The following NEO1 variants were observed in gnomAD, a reference collection of about 807,000 sequenced individuals.
The protein encoded by NEO1 is neogenin 1, also known as neogenin.
In NEO1, 63 loss-of-function variants were observed where a neutral mutation model predicts 159.7. The observed-to-expected ratio is 0.39, with a 90% CI of 0.32 to 0.49. NEO1 has a LOEUF of 0.49. NEO1 is among the 20% of genes least tolerant of loss of function. The pLI, the probability that NEO1 is intolerant of heterozygous loss-of-function variation, is 0.85. For missense variants in NEO1, 1,615 were observed against 1,831.0 expected, an observed-to-expected ratio of 0.88 and a Z score of 2.15; for synonymous variants, 633 against 662.0, an observed-to-expected ratio of 0.96 and a Z score of 0.67.
chr15:73,158,233 T>A (rs1415997716), intron 5 of NEO1, among the ~76,000 whole-genome samples: 4 of 131,780 alleles, frequency 3.0e-5, no homozygotes, highest in East Asian at 2.2e-4. Context: ...TTTTTTTTTT[T>A]ACAATTTTTT....
Position 73,221,462 on chromosome 15 carries a change from TCAGA to T in NEO1, c.1292-14881_1292-14878del, listed in dbSNP as rs532328761. On this transcript the variant is annotated intron_variant, in intron 7 of 28. Coordinates refer to ENST00000261908, the MANE Select transcript of NEO1 (RefSeq NM_002499.4). ...AGAACCACTGCTCTCTGCAAAGCTG[TCAGA>T]CAGGGACATTTAAGTCTGCAGAGGT... Among the ~76,000 whole-genome samples the T allele has an allele frequency of 2.7e-3, 407 of 152,322 alleles. 2 individuals carry two copies. The highest frequency in any genetic ancestry group is 9.4e-3 in the African/African-American group (391 of 41,572).
At chr15:73,066,054 C>T (rs1376458191) in intron 1 of NEO1, among the ~76,000 whole-genome samples, 27 of 137,210 alleles carry the variant, frequency 2.0e-4, no homozygotes, top group East Asian at 1.9e-3. Context: ...TTTTTTGAGA[C>T]GGAGTCTTGC....
chr15:73,120,096 A>G (rs2071549329), intron 2 of NEO1, among the ~76,000 whole-genome samples: 1 of 152,142 alleles, frequency 6.6e-6, no homozygotes, highest in Non-Finnish European at 1.5e-5. Context: ...AGATTGTGCC[A>G]CTGCACTCCA....
At chr15:73,280,650 G>A (rs1250930971) in intron 22 of NEO1, among the ~76,000 whole-genome samples, 1 of 152,140 alleles carries the variant, frequency 6.6e-6, no homozygotes, top group Admixed American at 6.5e-5. Flanking sequence ...CAGTACCATG[G>A]TCTTTCCCAA....
At chr15:73,261,295 T>C (rs1259415201) in intron 15 of NEO1, among the ~76,000 whole-genome samples, 3 of 152,094 alleles carry the variant, frequency 2.0e-5, no homozygotes, top group African/African-American at 7.2e-5. Context: ...TCATTGTAAC[T>C]AGGGTAGAAA....
At chr15:73,272,986 A>G (rs1041093952) in intron 19 of NEO1, among the ~76,000 whole-genome samples, 4 of 150,868 alleles carry the variant, frequency 2.7e-5, no homozygotes, top group Admixed American at 6.6e-5. Context: ...AAAAAAAAAA[A>G]AGCCCATTAG....
At chr15:73,271,110 A>G (rs1596544016) in intron 18 of NEO1, among the ~76,000 whole-genome samples, 1 of 152,304 alleles carries the variant, frequency 6.6e-6, no homozygotes, top group Non-Finnish European at 1.5e-5. Flanking sequence ...ATTCTCCACA[A>G]ACTGGGCTTG....
At chr15:73,246,106 A>G (rs2039780785) in intron 9 of NEO1, among the ~76,000 whole-genome samples, 1 of 152,240 alleles carries the variant, frequency 6.6e-6, no homozygotes, top group Admixed American at 6.5e-5. Context: ...AAGAAGCTGT[A>G]GAACTTCACT....
intron 28 of NEO1, among the ~76,000 whole-genome samples, chr15:73,302,154 A>G (rs1025558952): frequency 6.6e-6 from 1 of 152,174 alleles, no homozygotes; most frequent in African/African-American, 2.4e-5. Context: ...GCTGGAGGAG[A>G]AAGTGCCTGA....
At position 73,176,388 on chromosome 15, in the gene NEO1, C is replaced by T; in HGVS notation, c.1016-15C>T. On this transcript the variant is annotated splice_polypyrimidine_tract_variant and intron_variant, in intron 5 of 28. Transcript: ENST00000261908. The stretch of plus-strand genomic sequence containing the variant: ...CTATTTTCATTAATGTCTTAATTTC[C>T]TTTTTATTTTAAAGCTCAACCTGAA... 1.3e-6 allele frequency: 2 copies of T among 1,490,548 alleles called. No homozygotes were observed. Among genetic ancestry groups the T allele is most frequent in the Non-Finnish European group, 1.8e-6 (2 of 1,109,900 alleles). 92.3% of individuals were successfully genotyped at this position (1,490,548 alleles called of 1,614,324 possible).
intron 2 of NEO1, among the ~76,000 whole-genome samples, chr15:73,119,594 C>T (rs2071514764): frequency 6.6e-6 from 1 of 152,192 alleles, no homozygotes; most frequent in Non-Finnish European, 1.5e-5. Flanking sequence ...CGGGTCTTAA[C>T]TCCCACTCTC....
intron 1 of NEO1, among the ~76,000 whole-genome samples, chr15:73,070,581 C>A (rs959777043): frequency 1.3e-5 from 2 of 152,030 alleles, no homozygotes; most frequent in Admixed American, 6.6e-5. Context: ...TACAGTAGTC[C>A]CCCCTTATCC....
At chr15:73,071,403 A>AG (rs1469898520) in intron 1 of NEO1, among the ~76,000 whole-genome samples, 1 of 152,262 alleles carries the variant, frequency 6.6e-6, no homozygotes, top group Non-Finnish European at 1.5e-5. Context: ...GATTGAAAAG[A>AG]ACAGGATATT....
chr15:73,259,878 T>C (rs767023992), intron 14 of NEO1, among the ~76,000 whole-genome samples: 10 of 152,132 alleles, frequency 6.6e-5, no homozygotes, highest in Admixed American at 1.3e-4. Context: ...ACAACAGGCT[T>C]CCCACTACTC....
At chr15:73,288,590 A>G (rs766406112) in intron 24 of NEO1, 39 bp downstream of exon 24, 1 of 1,546,960 alleles carries the variant, frequency 6.5e-7, no homozygotes, top group Non-Finnish European at 8.9e-7. Flanking sequence ...AAATGTTAGG[A>G]AACTATTTTC....
chr15:73,263,341 G>T (rs1193849287), intron 15 of NEO1, among the ~76,000 whole-genome samples: 1 of 151,794 alleles, frequency 6.6e-6, no homozygotes, highest in Non-Finnish European at 1.5e-5. Flanking sequence ...TTACAGGCTT[G>T]CGCCACCATG....
At chr15:73,169,218 TATA>T in intron 5 of NEO1, among the ~76,000 whole-genome samples, 1 of 152,324 alleles carries the variant, frequency 6.6e-6, no homozygotes, top group East Asian at 1.9e-4. Flanking sequence ...ATTTTGCAAG[TATA>T]ATATATTTTA....
At chr15:73,168,966 A>G (rs2034776319) in intron 5 of NEO1, among the ~76,000 whole-genome samples, 1 of 152,136 alleles carries the variant, frequency 6.6e-6, no homozygotes, top group African/African-American at 2.4e-5. Flanking sequence ...GACAAAATTG[A>G]TTTCTTTCTC....
intron 5 of NEO1, among the ~76,000 whole-genome samples, chr15:73,159,790 G>A (rs1042219660): frequency 2.6e-5 from 4 of 152,242 alleles, no homozygotes; most frequent in East Asian, 3.9e-4. Flanking sequence ...TGAATCTCTT[G>A]AGGTGAAATT....
Sources: gnomAD v4.1 joint callset for allele counts (sites outside exome capture counted in the v4.1 genomes callset) on GRCh38, gnomAD v4.1.1 for gene constraint, MANE v1.5 for transcripts, NCBI Gene and HGNC (gene_info 2026-07-23, HGNC 2026-07-21) for gene names.